The following DNAH3 variants were observed in gnomAD, a reference collection of about 807,000 sequenced individuals.
DNAH3 encodes the protein dynein axonemal heavy chain 3.
In DNAH3, 332 loss-of-function variants were observed where a neutral mutation model predicts 432.5. The observed-to-expected ratio is 0.77, with a 90% CI of 0.70 to 0.84. The LOEUF (loss-of-function observed/expected upper bound fraction) is 0.84, where lower values mean the gene tolerates loss of function less well. Ranked by LOEUF, DNAH3 falls within the 40% of genes least tolerant of loss-of-function variation. The pLI is 0.00. For synonymous variants in DNAH3, 1,956 were observed against 1,900.2 expected (o/e 1.03, Z -0.76); for missense variants, 4,861 against 5,114.0 (o/e 0.95, Z 1.51).
rs768677834 is a variant in DNAH3, at chr16:20,982,817, G to C, written c.7763C>G (p.Thr2588Arg). The C allele has an allele frequency of 1.2e-6, 2 of 1,614,006 alleles. No homozygotes were observed. The highest frequency in any genetic ancestry group is 1.3e-5 in the African/African-American group (1 of 74,910). ...GGGCCAGGACTGGAACCAATCAATCGTACAGCAATTGATCAGCGAAGGGAA... is the reference window on the plus strand; with the variant it reads ...GGGCCAGGACTGGAACCAATCAATCCTACAGCAATTGATCAGCGAAGGGAA... The change falls in exon 49 of 62, where the codon ACG becomes AGG. Residue 2588 changes from threonine to arginine, a missense_variant. By Grantham distance (71) the Thr-to-Arg change is moderately conservative. Transcript: ENST00000261383.
chr16:21,078,446 A>T (rs2091058557), intron 20 of DNAH3, among the ~76,000 whole-genome samples: 1 of 152,202 alleles, frequency 6.6e-6, no homozygotes, highest in Admixed American at 6.5e-5. Flanking sequence ...CAGCGTGGTC[A>T]CTGACTTAAA....
chr16:21,052,396 T>C (rs1201054100), intron 28 of DNAH3, among the ~76,000 whole-genome samples: 1 of 152,346 alleles, frequency 6.6e-6, no homozygotes, highest in East Asian at 1.9e-4. Context: ...AGGCAGAGAA[T>C]CTGCTGCACT....
intron 19 of DNAH3, among the ~76,000 whole-genome samples, chr16:21,086,602 C>T (rs907423517): frequency 2.6e-5 from 4 of 152,156 alleles, no homozygotes; most frequent in African/African-American, 7.2e-5. Context: ...GTCATTGGCT[C>T]GAACAACACT....
intron 14 of DNAH3, among the ~76,000 whole-genome samples, chr16:21,111,360 G>T (rs75351510): frequency 0.01 from 1,564 of 152,258 alleles, 78 homozygotes; most frequent in Admixed American, 0.089. Flanking sequence ...TCCTGAATTT[G>T]CCTGCAAGAA....
chr16:21,051,688 AG>A lies in DNAH3; in HGVS notation c.4219del (p.Leu1407SerfsTer9), dbSNP rs1443446665. 1.2e-6 allele frequency: 2 copies of A among 1,613,146 alleles called. No homozygotes were observed. The highest frequency in any genetic ancestry group is 2.7e-5 in the African/African-American group (2 of 74,846). On this transcript the variant is annotated frameshift_variant, in exon 29 of 62. Coordinates refer to ENST00000261383, the Ensembl canonical transcript of DNAH3. LOFTEE classifies it high-confidence loss of function. ...AGTGTACCTGTAGCAGCGGTCGGTG[AG>A]GGGTGTGATCACCAGCCGGGGGGAG...
intron 14 of DNAH3, among the ~76,000 whole-genome samples, chr16:21,108,118 C>T (rs187885191): frequency 1.5e-4 from 23 of 152,042 alleles, no homozygotes; most frequent in Non-Finnish European, 2.5e-4. Context: ...ATGATCCACC[C>T]GCCTCGGCCT....
At chr16:21,144,189 C>T (rs2092754163) in intron 3 of DNAH3, among the ~76,000 whole-genome samples, 1 of 152,092 alleles carries the variant, frequency 6.6e-6, no homozygotes. Context: ...TGGTAACACC[C>T]CTTTGTGGTG....
intron 59 of DNAH3, among the ~76,000 whole-genome samples, chr16:20,941,200 G>C (rs1413284716): frequency 6.6e-6 from 1 of 152,140 alleles, no homozygotes; most frequent in African/African-American, 2.4e-5. Context: ...TGAATGAATG[G>C]GAATGAATGA....
Position 21,111,979 on chromosome 16 carries a change from G to A in DNAH3, c.1920+14C>T, listed in dbSNP as rs774919681. The A allele has an allele frequency of 2.6e-5, 42 of 1,605,690 alleles. No homozygotes were observed. The highest frequency in any genetic ancestry group is 3.5e-5 in the Non-Finnish European group (41 of 1,173,108). ...ATGTCACCAAGGTATAAAATCTCAAGTGGCATTTCCTACCGTCACAAAATC... is the reference window on the plus strand; with the variant it reads ...ATGTCACCAAGGTATAAAATCTCAAATGGCATTTCCTACCGTCACAAAATC... On this transcript the variant is annotated intron_variant, in intron 13 of 61. Coordinates refer to ENST00000261383, the Ensembl canonical transcript of DNAH3.
At chr16:20,945,902 C>T (rs2084024463) in intron 57 of DNAH3, among the ~76,000 whole-genome samples, 1 of 152,182 alleles carries the variant, frequency 6.6e-6, no homozygotes, top group African/African-American at 2.4e-5. Flanking sequence ...GGACCCCCTT[C>T]CGATAATAAA....
At chr16:20,974,986 T>G (rs1366861911) in intron 51 of DNAH3, among the ~76,000 whole-genome samples, 3 of 30,824 alleles carry the variant, frequency 9.7e-5, no homozygotes, top group Admixed American at 4.4e-4. Context: ...ACCTGGCTAG[T>G]TTTTTTTTTT....
intron 41 of DNAH3, among the ~76,000 whole-genome samples, chr16:21,010,674 C>G (rs772595021): frequency 1.8e-4 from 27 of 152,062 alleles, no homozygotes; most frequent in Admixed American, 8.5e-4. Context: ...CAGGGAAGGC[C>G]TTCCTGGAGC....
rs330153 is a variant in DNAH3 at position 21,084,157 on chromosome 16, C to T, written c.2878-2430G>A. ...CTCTCCAAGTCTCAGTTTTCCAATCCGTGAAATGGAGATAATAATAATCTC... is the reference window on the plus strand; with the variant it reads ...CTCTCCAAGTCTCAGTTTTCCAATCTGTGAAATGGAGATAATAATAATCTC... On this transcript the variant is annotated intron_variant, in intron 19 of 61. Coordinates refer to ENST00000261383, the Ensembl canonical transcript of DNAH3. Among the ~76,000 whole-genome samples the T allele has an allele frequency of 5.1e-3, 775 of 152,104 alleles. 9 individuals carry two copies. The highest frequency in any genetic ancestry group is 0.016 in the African/African-American group (684 of 41,480).
intron 40 of DNAH3, among the ~76,000 whole-genome samples, chr16:21,020,070 G>T (rs2088084576): frequency 6.7e-6 from 1 of 150,250 alleles, no homozygotes; most frequent in Non-Finnish European, 1.5e-5. Flanking sequence ...TCCCAGGTTG[G>T]AGTGCAGTGG....
At chr16:21,069,422 G>T in exon 23 of DNAH3, 1 of 1,613,868 alleles carries the variant, frequency 6.2e-7, no homozygotes, top group Non-Finnish European at 8.5e-7. Context: ...TACCGCTTGG[G>T]ACATAAGTGA....
At chr16:20,963,833 C>A (rs147457436) in exon 53 of DNAH3, 1 of 1,613,878 alleles carries the variant, frequency 6.2e-7, no homozygotes, top group Non-Finnish European at 8.5e-7. Flanking sequence ...GTGAAATGGT[C>A]AATGATGTAC....
intron 9 of DNAH3, among the ~76,000 whole-genome samples, chr16:21,123,757 G>A (rs2092391329): frequency 6.6e-6 from 1 of 151,980 alleles, no homozygotes; most frequent in South Asian, 2.1e-4. Context: ...GAATGCTATG[G>A]TGCTTTGAAA....
At position 21,019,607 on chromosome 16, in the gene DNAH3, A is replaced by G; in HGVS notation, c.6022+17T>C. ...CCAACTATTATACTAGAACATAACA[A>G]ACAGGTTCTAAATTACCTCTTTCTG... On this transcript the variant is annotated intron_variant, in intron 41 of 61. Transcript: ENST00000261383. The G allele has an allele frequency of 6.2e-7, 1 of 1,613,810 alleles. No individual in the cohort carries two copies. The highest frequency in any genetic ancestry group is 8.5e-7 in the Non-Finnish European group (1 of 1,179,836).
chr16:20,947,615 CCACTG>C (rs2084107916), intron 57 of DNAH3, among the ~76,000 whole-genome samples: 2 of 152,152 alleles, frequency 1.3e-5, no homozygotes, highest in South Asian at 4.2e-4. Context: ...CAGTTGGTGT[CCACTG>C]CTTAATGTGT....
Sources: allele counts gnomAD v4.1 joint callset (sites outside exome capture counted in the v4.1 genomes callset), GRCh38; gene constraint gnomAD v4.1.1; transcripts MANE v1.5; gene names NCBI Gene and HGNC (gene_info 2026-07-23, HGNC 2026-07-21).